BCKDHB: variants seen among roughly 807,000 people sequenced by gnomAD.
BCKDHB encodes branched chain keto acid dehydrogenase E1 subunit beta.
In BCKDHB, 41 loss-of-function variants were observed where a neutral mutation model predicts 48.5. The observed-to-expected ratio is 0.85, with a 90% confidence interval of 0.66 to 1.10. The LOEUF is 1.10. Among genes scored for constraint, BCKDHB ranks in the 50% least tolerant of loss-of-function variants. The pLI, the probability that BCKDHB is intolerant of heterozygous loss-of-function variation, is 0.00. For missense variants in BCKDHB, 496 were observed against 494.2 expected (o/e 1.00, Z -0.03); for synonymous variants, 201 against 174.8 (o/e 1.15, Z -1.18).
At chr6:80,317,936 T>C (rs578139198) in intron 9 of BCKDHB, among the ~76,000 whole-genome samples, 1 of 152,328 alleles carries the variant, frequency 6.6e-6, no homozygotes, top group East Asian at 1.9e-4. Flanking sequence ...TCTACTTTCC[T>C]CCAGCAGTCT....
chr6:80,447,758 T>C, the BCKDHB span, among the ~76,000 whole-genome samples: 1 of 152,150 alleles, frequency 6.6e-6, no homozygotes, highest in African/African-American at 2.4e-5. Context: ...CAGCCATAAA[T>C]AGATGCCATT....
At chr6:80,266,565 A>G (rs1366164098) in intron 8 of BCKDHB, among the ~76,000 whole-genome samples, 1 of 152,030 alleles carries the variant, frequency 6.6e-6, no homozygotes, top group Non-Finnish European at 1.5e-5. Context: ...GTGTTTGTGT[A>G]TTTGTTACCA....
At chr6:80,242,070 T>A (rs1776412999) in intron 8 of BCKDHB, among the ~76,000 whole-genome samples, 1 of 152,228 alleles carries the variant, frequency 6.6e-6, no homozygotes, top group South Asian at 2.1e-4. Context: ...TGTGGTCAAA[T>A]TTATTCATCT....
At chr6:80,122,435 A>G (rs2505928) in intron 1 of BCKDHB, among the ~76,000 whole-genome samples, 151,407 of 152,294 alleles carry the variant, frequency 0.99, 75,263 homozygotes, top group Middle Eastern at 1. Flanking sequence ...GGGGGAACCC[A>G]CCCCCAATAT....
At chr6:80,339,012 A>AAG (rs1554215564) in intron 9 of BCKDHB, among the ~76,000 whole-genome samples, 4 of 151,698 alleles carry the variant, frequency 2.6e-5, no homozygotes, top group Non-Finnish European at 5.9e-5. Flanking sequence ...CATAAAAAAA[A>AAG]AAATTGTTGA....
chr6:80,220,951 T>G (rs910481736), intron 8 of BCKDHB, among the ~76,000 whole-genome samples: 3 of 151,972 alleles, frequency 2.0e-5, no homozygotes, highest in Admixed American at 6.6e-5. Context: ...GTCAGGATGG[T>G]CTCTAACTCC....
chr6:80,363,078 C>T, the BCKDHB span, among the ~76,000 whole-genome samples: 1 of 152,104 alleles, frequency 6.6e-6, no homozygotes, highest in Admixed American at 6.6e-5. Flanking sequence ...TGCAAGCTTA[C>T]CCACATTTGT....
chr6:80,271,493 G>C (rs116419791), intron 8 of BCKDHB, among the ~76,000 whole-genome samples: 1 of 152,052 alleles, frequency 6.6e-6, no homozygotes, highest in Non-Finnish European at 1.5e-5. Flanking sequence ...CACCTGCCCT[G>C]GTTGCTTGTT....
chr6:80,383,007 C>T, the BCKDHB span, among the ~76,000 whole-genome samples: 1 of 152,082 alleles, frequency 6.6e-6, no homozygotes, highest in Non-Finnish European at 1.5e-5. Flanking sequence ...GCCTTTATTT[C>T]TCTCTCATGT....
chr6:80,282,373 G>A (rs620147), intron 9 of BCKDHB, among the ~76,000 whole-genome samples: 52,368 of 151,984 alleles, frequency 0.34, 9,186 homozygotes, highest in Non-Finnish European at 0.37. Context: ...AATGTGTATC[G>A]AGACTCTTCA....
the BCKDHB span, among the ~76,000 whole-genome samples, chr6:80,378,455 A>ATG: frequency 1.3e-4 from 20 of 151,338 alleles, no homozygotes; most frequent in African/African-American, 1.7e-4. Flanking sequence ...GTGTGTGTGT[A>ATG]TGTGTGTGTG....
At chr6:80,127,510 A>C in intron 1 of BCKDHB, 37 bp from the exon 2 acceptor site, 3 of 1,550,112 alleles carry the variant, frequency 1.9e-6, no homozygotes, top group Non-Finnish European at 2.7e-6. Context: ...TATGTATTTT[A>C]CAACACACGA....
intron 3 of BCKDHB, among the ~76,000 whole-genome samples, chr6:80,140,925 A>G (rs969030753): frequency 6.6e-6 from 1 of 152,112 alleles, no homozygotes; most frequent in Non-Finnish European, 1.5e-5. Context: ...CTGTGAATCC[A>G]TCTGGTCCTG....
chr6:80,243,806 G>T (rs1200339563), intron 8 of BCKDHB, among the ~76,000 whole-genome samples: 1 of 152,182 alleles, frequency 6.6e-6, no homozygotes, highest in East Asian at 1.9e-4. Flanking sequence ...AAAGTGCTGG[G>T]ATTATAGATA....
At chr6:80,199,166 C>T (rs1774266836) in intron 6 of BCKDHB, among the ~76,000 whole-genome samples, 1 of 152,060 alleles carries the variant, frequency 6.6e-6, no homozygotes, top group Admixed American at 6.6e-5. Flanking sequence ...ATGTGGAACT[C>T]ACTTCTGTAG....
At chr6:80,443,061 A>G in the BCKDHB span, among the ~76,000 whole-genome samples, 2 of 152,176 alleles carry the variant, frequency 1.3e-5, no homozygotes, top group Non-Finnish European at 2.9e-5. Context: ...TAAGTCATCC[A>G]GAAAGGCTGA....
At chr6:80,188,452 A>G (rs1003264341) in intron 6 of BCKDHB, among the ~76,000 whole-genome samples, 4 of 152,120 alleles carry the variant, frequency 2.6e-5, no homozygotes, top group Non-Finnish European at 4.4e-5. Context: ...CCTGGGCAAC[A>G]TGGTGAGACC....
At chr6:80,127,015 A>G (rs1002499639) in intron 1 of BCKDHB, among the ~76,000 whole-genome samples, 4 of 152,204 alleles carry the variant, frequency 2.6e-5, no homozygotes, top group African/African-American at 9.7e-5. Context: ...GTAATAAGAC[A>G]ATAAGAAGGA....
chr6:80,309,595 G>C (rs6454150), intron 9 of BCKDHB, among the ~76,000 whole-genome samples: 132,172 of 152,152 alleles, frequency 0.87, 57,556 homozygotes, highest in East Asian at 0.99. Flanking sequence ...TTGTTTGTTT[G>C]TTTGTTTGTT....
Sources: gnomAD v4.1 joint callset for allele counts (sites outside exome capture counted in the v4.1 genomes callset) on GRCh38, gnomAD v4.1.1 for gene constraint, MANE v1.5 for transcripts, NCBI Gene and HGNC (gene_info 2026-07-23, HGNC 2026-07-21) for gene names.